GALNT13: variants seen among roughly 807,000 people sequenced by gnomAD.
The protein encoded by GALNT13 is polypeptide N-acetylgalactosaminyltransferase 13, also known as UDP-GalNAc:polypeptide N-acetylgalactosaminyltransferase 13.
GALNT13 carries 28 observed loss-of-function variants against 64.2 expected under a neutral mutation model. That is an observed-to-expected ratio of 0.44 (90% confidence interval 0.32 to 0.60). GALNT13 has a LOEUF of 0.60. GALNT13 is among the 20% of genes least tolerant of loss of function. GALNT13 has a pLI of 0.05. For missense variants in GALNT13, 577 were observed against 669.8 expected (o/e 0.86, Z 1.53); for synonymous variants, 214 against 224.6 (o/e 0.95, Z 0.42).
At chr2:153,449,255 T>A in the GALNT13 span, among the ~76,000 whole-genome samples, 1 of 152,182 alleles carries the variant, frequency 6.6e-6, no homozygotes, top group Non-Finnish European at 1.5e-5. Flanking sequence ...TATTTTTTTA[T>A]GGAAGCCCAA....
At chr2:154,109,091 G>C (rs922315422) in intron 3 of GALNT13, among the ~76,000 whole-genome samples, 2 of 152,042 alleles carry the variant, frequency 1.3e-5, no homozygotes, top group African/African-American at 4.8e-5. Flanking sequence ...TTAGAATTTT[G>C]ATAGAGATCG....
chr2:153,745,451 C>T, the GALNT13 span, among the ~76,000 whole-genome samples: 4 of 152,052 alleles, frequency 2.6e-5, no homozygotes, highest in Non-Finnish European at 4.4e-5. Context: ...GGTTTGGGCA[C>T]CTGATGAATG....
At chr2:154,326,684 C>A (rs1172929917) in intron 9 of GALNT13, among the ~76,000 whole-genome samples, 1 of 152,044 alleles carries the variant, frequency 6.6e-6, no homozygotes, top group Non-Finnish European at 1.5e-5. Context: ...GAATCTATAT[C>A]CCTTTTTATA....
intron 9 of GALNT13, among the ~76,000 whole-genome samples, chr2:154,366,792 G>T (rs1697386885): frequency 6.6e-6 from 1 of 152,054 alleles, no homozygotes; most frequent in African/African-American, 2.4e-5. Context: ...AAGAGGGAAG[G>T]CGGAAAGTAT....
chr2:154,094,716 A>G (rs997016737), intron 3 of GALNT13, among the ~76,000 whole-genome samples: 7 of 151,838 alleles, frequency 4.6e-5, no homozygotes, highest in Admixed American at 1.3e-4. Context: ...TTTAAAGGCA[A>G]ATATTATTCA....
At position 154,259,198 on chromosome 2, in the gene GALNT13, C is replaced by T. The variant is rs1343213284; in HGVS notation, c.975+60C>T. 1.5e-5 allele frequency: 13 copies of T among 875,430 alleles called. No homozygotes were observed. In the Admixed American group the frequency reaches 2.8e-4, roughly 19 times the overall value. The allele number at this position is 875,430 out of a possible 1,614,324, so 54.2% of individuals were successfully genotyped here. On this transcript the variant is annotated intron_variant, in intron 8 of 12. Coordinates refer to ENST00000392825, the MANE Select transcript of GALNT13 (RefSeq NM_052917.4). ...CATACAATGCTGTAGCATGCACATA[C>T]CAGTCCCAGTAATTTACTGTCAAAT...
chr2:153,486,730 C>G, the GALNT13 span, among the ~76,000 whole-genome samples: 1 of 152,084 alleles, frequency 6.6e-6, no homozygotes, highest in African/African-American at 2.4e-5. Context: ...ACATCATAGA[C>G]CTATAGCATC....
chr2:154,043,411 CT>C (rs1202622671), intron 3 of GALNT13, among the ~76,000 whole-genome samples: 2 of 73,262 alleles, frequency 2.7e-5, no homozygotes, highest in Admixed American at 1.5e-4. Flanking sequence ...ACTATAAGGA[CT>C]TTTATATATA....
intron 3 of GALNT13, among the ~76,000 whole-genome samples, chr2:154,124,240 C>T (rs1319406901): frequency 6.6e-6 from 1 of 151,700 alleles, no homozygotes; most frequent in Non-Finnish European, 1.5e-5. Flanking sequence ...ATCTGTTATA[C>T]AGATGTGATT....
At chr2:154,383,267 C>T (rs1016385851) in intron 9 of GALNT13, among the ~76,000 whole-genome samples, 1 of 151,800 alleles carries the variant, frequency 6.6e-6, no homozygotes, top group Non-Finnish European at 1.5e-5. Context: ...ATTTACTATG[C>T]ATGATGCACT....
At chr2:154,272,314 C>A (rs1038411079) in intron 8 of GALNT13, among the ~76,000 whole-genome samples, 1 of 151,996 alleles carries the variant, frequency 6.6e-6, no homozygotes, top group African/African-American at 2.4e-5. Context: ...TTTAAACATA[C>A]TAAGCAGAAT....
chr2:153,778,754 A>T, the GALNT13 span, among the ~76,000 whole-genome samples: 1 of 152,184 alleles, frequency 6.6e-6, no homozygotes, highest in Non-Finnish European at 1.5e-5. Context: ...AATTTGTATA[A>T]ATTTAAGCAG....
At position 153,888,579 on chromosome 2, in the gene GALNT13, A is replaced by G. The variant is rs896358388; in HGVS notation, c.-176-12357A>G. Among the ~76,000 whole-genome samples the G allele has an allele frequency of 3.6e-4, 55 of 151,990 alleles. 1 individual carries two copies. The highest frequency in any genetic ancestry group is 1.6e-4 in the Non-Finnish European group (11 of 67,944). On this transcript the variant is annotated intron_variant, in intron 1 of 12. Transcript: ENST00000392825. Reference sequence around the variant, plus strand: ...TTCCTTAGTGCTCCTGTTTCATTCCATCTTGAAGTTTTGTGTGCCACTTGA... The same window carrying G: ...TTCCTTAGTGCTCCTGTTTCATTCCGTCTTGAAGTTTTGTGTGCCACTTGA...
intron 3 of GALNT13, among the ~76,000 whole-genome samples, chr2:154,060,010 A>G (rs991060548): frequency 3.2e-4 from 49 of 152,126 alleles, no homozygotes; most frequent in African/African-American, 1.2e-3. Flanking sequence ...TTTGGAAGGT[A>G]ATTACTTTTA....
chr2:154,063,095 T>C (rs1700278172), intron 3 of GALNT13, among the ~76,000 whole-genome samples: 1 of 152,138 alleles, frequency 6.6e-6, no homozygotes, highest in African/African-American at 2.4e-5. Context: ...AAAGAGTTGA[T>C]GTGTTTTTGT....
chr2:154,323,730 C>T (rs1012471555), intron 9 of GALNT13, among the ~76,000 whole-genome samples: 9 of 152,072 alleles, frequency 5.9e-5, no homozygotes, highest in Non-Finnish European at 1.2e-4. Context: ...GTATCTCCAA[C>T]TTCCTGTTAC....
chr2:153,702,151 T>C, the GALNT13 span, among the ~76,000 whole-genome samples: 3 of 152,064 alleles, frequency 2.0e-5, no homozygotes, highest in African/African-American at 7.2e-5. Context: ...TATGCAGCTG[T>C]AAAAAGGAAT....
At chr2:154,380,630 C>T (rs988324698) in intron 9 of GALNT13, among the ~76,000 whole-genome samples, 2 of 151,998 alleles carry the variant, frequency 1.3e-5, no homozygotes, top group South Asian at 4.2e-4. Flanking sequence ...AATCTGAAGA[C>T]ACAAAGGGGC....
At chr2:153,560,836 G>A in the GALNT13 span, among the ~76,000 whole-genome samples, 2 of 151,824 alleles carry the variant, frequency 1.3e-5, no homozygotes, top group Admixed American at 6.6e-5. Context: ...TCACCAACTT[G>A]TCTTGTTCCA....
Sources: allele counts gnomAD v4.1 joint callset (sites outside exome capture counted in the v4.1 genomes callset), GRCh38; gene constraint gnomAD v4.1.1; transcripts MANE v1.5; gene names NCBI Gene and HGNC (gene_info 2026-07-23, HGNC 2026-07-21).